The following TENM3 variants were observed in gnomAD, a reference collection of about 807,000 sequenced individuals.
TENM3 encodes the protein teneurin-3.
TENM3 carries 63 observed loss-of-function variants against 255.1 expected under a neutral mutation model. That is an observed-to-expected ratio of 0.25 (90% confidence interval 0.20 to 0.30). The LOEUF is 0.30. Ranked by LOEUF, TENM3 falls within the 10% of genes least tolerant of loss-of-function variation. TENM3 has a pLI of 1.00. For missense variants in TENM3, 2,929 were observed against 3,461.1 expected (o/e 0.85, Z 3.86); for synonymous variants, 1,306 against 1,322.3 (o/e 0.99, Z 0.27).
chr4:181,562,678 A>ATTTT, the TENM3 span, among the ~76,000 whole-genome samples: 13,633 of 143,070 alleles, frequency 0.095, 691 homozygotes, highest in Middle Eastern at 0.17. Context: ...ATTCTTCTTA[A>ATTTT]TTTTTTTTTT....
the TENM3 span, among the ~76,000 whole-genome samples, chr4:182,084,151 A>G: frequency 6.6e-6 from 1 of 152,172 alleles, no homozygotes. Flanking sequence ...AATGAGTAAG[A>G]AAAAATATGG....
chr4:182,681,816 G>T lies in TENM3; in HGVS notation c.1837G>T (p.Asp613Tyr). ...AATTGTTCTTTTCTTTACACCAGCT[G>T]ACTGTATAGACCCTGGGTGTTCTAA... ...GYKGESCEEA[D>Y]CIDPGCSNHG... Residue 613 changes from aspartate (D) to tyrosine (Y), a missense_variant and splice_region_variant, in exon 11 of 28, where the codon GAC (aspartate) becomes TAC (tyrosine). Coordinates refer to ENST00000511685, the MANE Select transcript of TENM3 (RefSeq NM_001080477.4). The T allele has an allele frequency of 6.2e-7, 1 of 1,609,718 alleles. No individual in the cohort carries two copies. Among genetic ancestry groups the T allele is most frequent in the South Asian group, 1.1e-5 (1 of 90,488 alleles).
At chr4:181,589,219 AT>A in the TENM3 span, among the ~76,000 whole-genome samples, 1 of 152,132 alleles carries the variant, frequency 6.6e-6, no homozygotes, top group Non-Finnish European at 1.5e-5. Flanking sequence ...TAGGTAAATA[AT>A]TTTCTGAACA....
At chr4:182,770,560 T>C (rs1764117294) in intron 22 of TENM3, among the ~76,000 whole-genome samples, 1 of 152,142 alleles carries the variant, frequency 6.6e-6, no homozygotes, top group African/African-American at 2.4e-5. Context: ...CAGTTGCAAA[T>C]AAGCAGAGAA....
At chr4:181,936,685 A>G in the TENM3 span, among the ~76,000 whole-genome samples, 1 of 152,030 alleles carries the variant, frequency 6.6e-6, no homozygotes, top group Non-Finnish European at 1.5e-5. Flanking sequence ...GTTGAGCGTT[A>G]TGGCTGAGAT....
chr4:182,754,297 A>G lies in TENM3; in HGVS notation c.4018-88A>G. ...AGACAGTTTATCTCAGATTAATGCC[A>G]ATTTCCCTGAATGGTCTAATTTACT... On this transcript the variant is annotated intron_variant, in intron 21 of 27. Coordinates refer to ENST00000511685, the MANE Select transcript of TENM3 (RefSeq NM_001080477.4). The surrounding 1 kb of genome is among the most constrained non-coding windows in gnomAD (Gnocchi z 5.1). 1 of 1,361,660 alleles carries G rather than the reference A, an allele frequency of 7.3e-7. No individual in the cohort carries two copies. Among genetic ancestry groups the G allele is most frequent in the Non-Finnish European group, 9.8e-7 (1 of 1,019,234 alleles). The allele number at this position is 1,361,660 out of a possible 1,614,324, so 84.3% of individuals were successfully genotyped here.
chr4:182,663,095 G>A (rs1200408470), intron 6 of TENM3, among the ~76,000 whole-genome samples: 4 of 148,782 alleles, frequency 2.7e-5, no homozygotes, highest in Non-Finnish European at 3.0e-5. Flanking sequence ...AGATCTGCAA[G>A]TACCTTTTAG....
chr4:182,434,254 G>A (rs1771881149), intron 3 of TENM3, among the ~76,000 whole-genome samples: 1 of 152,086 alleles, frequency 6.6e-6, no homozygotes, highest in African/African-American at 2.4e-5. Context: ...GACTGAGAAT[G>A]GTGATAACCT....
At chr4:182,721,234 G>A (rs143084660) in intron 13 of TENM3, among the ~76,000 whole-genome samples, 1 of 152,266 alleles carries the variant, frequency 6.6e-6, no homozygotes, top group African/African-American at 2.4e-5. Flanking sequence ...ATTAGAAGTC[G>A]TGGTACAGAG....
chr4:182,662,125 A>G (rs528201445), intron 6 of TENM3, among the ~76,000 whole-genome samples: 17 of 152,340 alleles, frequency 1.1e-4, no homozygotes, highest in African/African-American at 4.1e-4. Flanking sequence ...AAAAGGCATT[A>G]TCTGAAAAGC....
chr4:182,008,208 T>C, the TENM3 span, among the ~76,000 whole-genome samples: 1 of 152,136 alleles, frequency 6.6e-6, no homozygotes, highest in African/African-American at 2.4e-5. Flanking sequence ...GTCTTGGGGT[T>C]GATCTTCTCG....
At chr4:182,152,964 A>G (rs1221746498) in intron 1 of TENM3, among the ~76,000 whole-genome samples, 2 of 151,868 alleles carry the variant, frequency 1.3e-5, no homozygotes, top group East Asian at 1.9e-4. Context: ...CTAATTTTAT[A>G]TATTTTGAGA....
chr4:182,430,285 A>G (rs1408789397), intron 3 of TENM3, among the ~76,000 whole-genome samples: 4 of 152,230 alleles, frequency 2.6e-5, no homozygotes, highest in South Asian at 2.1e-4. Context: ...GCAGTGGCTC[A>G]CGCCTGTAAT....
intron 3 of TENM3, among the ~76,000 whole-genome samples, chr4:182,352,932 T>G (rs1580258672): frequency 6.6e-6 from 1 of 152,110 alleles, no homozygotes; most frequent in East Asian, 1.9e-4. Flanking sequence ...CTTCTCTTCC[T>G]GAACAACTGC....
chr4:181,746,952 C>T, the TENM3 span, among the ~76,000 whole-genome samples: 3 of 151,928 alleles, frequency 2.0e-5, no homozygotes, highest in Admixed American at 6.6e-5. Context: ...TCCAATTATT[C>T]GCTATTACAA....
At chr4:181,608,377 T>C in the TENM3 span, among the ~76,000 whole-genome samples, 2 of 152,336 alleles carry the variant, frequency 1.3e-5, no homozygotes, top group East Asian at 3.9e-4. Context: ...CAGATGGTCG[T>C]GCAGTGTATT....
intron 3 of TENM3, among the ~76,000 whole-genome samples, chr4:182,389,499 T>A (rs1768254803): frequency 6.6e-6 from 1 of 152,164 alleles, no homozygotes; most frequent in African/African-American, 2.4e-5. Context: ...ATAATTACTT[T>A]AAAAATTAGC....
intron 3 of TENM3, among the ~76,000 whole-genome samples, chr4:182,533,049 C>T (rs1490153957): frequency 6.6e-6 from 1 of 152,176 alleles, no homozygotes; most frequent in African/African-American, 2.4e-5. Context: ...ATTATTATGC[C>T]TCCCTAAGTG....
chr4:181,613,794 A>G, the TENM3 span, among the ~76,000 whole-genome samples: 1 of 152,188 alleles, frequency 6.6e-6, no homozygotes, highest in East Asian at 1.9e-4. Context: ...ACCTATTTTC[A>G]CTTTAACATT....
Sources: gnomAD v4.1 joint callset for allele counts (sites outside exome capture counted in the v4.1 genomes callset) on GRCh38, gnomAD v4.1.1 for gene constraint, Gnocchi (gnomAD v3.1) non-coding constraint, MANE v1.5 for transcripts, NCBI Gene and HGNC (gene_info 2026-07-23, HGNC 2026-07-21) for gene names.